ENOX1: variants seen among roughly 807,000 people sequenced by gnomAD.
The protein encoded by ENOX1 is ecto-NOX disulfide-thiol exchanger 1.
ENOX1 carries 42 observed loss-of-function variants against 82.5 expected under a neutral mutation model. That is an observed-to-expected ratio of 0.51 (90% CI 0.40 to 0.66). ENOX1 has a LOEUF of 0.66. ENOX1 is among the 30% of genes least tolerant of loss of function. The probability of loss-of-function intolerance (pLI) is 0.00; values close to 1 mark genes in which losing one functional copy is unlikely to be tolerated. For synonymous variants in ENOX1, 271 were observed against 282.2 expected (o/e 0.96, Z 0.40); for missense variants, 608 against 811.6 (o/e 0.75, Z 3.05).
chr13:43,724,046 T>C (rs1201106227), intron 1 of ENOX1, among the ~76,000 whole-genome samples: 1 of 152,170 alleles, frequency 6.6e-6, no homozygotes, highest in African/African-American at 2.4e-5. Context: ...TCAAACACAG[T>C]AGAAAAACAC....
intron 1 of ENOX1, among the ~76,000 whole-genome samples, chr13:43,781,036 AG>A: frequency 6.6e-6 from 1 of 152,382 alleles, no homozygotes; most frequent in East Asian, 1.9e-4. Context: ...GGGCTATTAA[AG>A]GGCTATTCCA....
chr13:43,668,480 G>A (rs2085094644), intron 1 of ENOX1, among the ~76,000 whole-genome samples: 1 of 152,218 alleles, frequency 6.6e-6, no homozygotes, highest in South Asian at 2.1e-4. Flanking sequence ...CTTACATCTG[G>A]CTAAATCTCT....
At chr13:43,418,714 C>T (rs1330673707) in intron 3 of ENOX1, among the ~76,000 whole-genome samples, 1 of 152,138 alleles carries the variant, frequency 6.6e-6, no homozygotes, top group African/African-American at 2.4e-5. Context: ...ATCTGATACA[C>T]AAAATGCCAA....
intron 2 of ENOX1, among the ~76,000 whole-genome samples, chr13:43,537,572 A>T (rs1362992403): frequency 6.6e-6 from 1 of 152,234 alleles, no homozygotes; most frequent in Non-Finnish European, 1.5e-5. Flanking sequence ...CTGCGATAAT[A>T]GCTACTTTAT....
At chr13:43,698,745 T>A (rs764120062) in intron 1 of ENOX1, among the ~76,000 whole-genome samples, 40 of 152,172 alleles carry the variant, frequency 2.6e-4, no homozygotes, top group Non-Finnish European at 5.0e-4. Flanking sequence ...AAATAGCACA[T>A]GTCAAGTCTC....
intron 2 of ENOX1, chr13:43,546,145 G>A (rs577638107): frequency 5.9e-5 from 9 of 152,384 alleles, no homozygotes; most frequent in South Asian, 4.1e-4. Context: ...TGTTCTAGTA[G>A]GAAGAGACAA....
chr13:43,757,327 T>C (rs1418608462), intron 1 of ENOX1, among the ~76,000 whole-genome samples: 5 of 152,138 alleles, frequency 3.3e-5, no homozygotes, highest in Non-Finnish European at 7.4e-5. Flanking sequence ...GAAAACAGGA[T>C]ACAGGGGGAG....
At chr13:43,649,357 T>G (rs2084045557) in intron 2 of ENOX1, among the ~76,000 whole-genome samples, 1 of 152,200 alleles carries the variant, frequency 6.6e-6, no homozygotes, top group Non-Finnish European at 1.5e-5. Context: ...CTTCACACCC[T>G]GGTTAGTTTG....
intron 5 of ENOX1, among the ~76,000 whole-genome samples, chr13:43,391,564 AT>A (rs1336057131): frequency 1.3e-5 from 2 of 152,132 alleles, no homozygotes; most frequent in African/African-American, 4.8e-5. Context: ...TTCTCACTTC[AT>A]AAACCCATTT....
intron 2 of ENOX1, among the ~76,000 whole-genome samples, chr13:43,643,619 ATGTATGTGTG>A (rs1446383018): frequency 6.7e-6 from 1 of 149,786 alleles, no homozygotes; most frequent in Non-Finnish European, 1.5e-5. Flanking sequence ...ATGTATATGT[ATGTATGTGTG>A]TGTGTATATA....
At chr13:43,520,872 A>G (rs1452601861) in intron 2 of ENOX1, among the ~76,000 whole-genome samples, 1 of 152,188 alleles carries the variant, frequency 6.6e-6, no homozygotes, top group Non-Finnish European at 1.5e-5. Context: ...ATTTAAGATC[A>G]GTGGTGGTCA....
At chr13:43,587,720 A>G (rs1000446522) in intron 2 of ENOX1, among the ~76,000 whole-genome samples, 2 of 152,248 alleles carry the variant, frequency 1.3e-5, no homozygotes, top group Non-Finnish European at 2.9e-5. Context: ...GACTGAAATC[A>G]GAGCTTCTGA....
At chr13:43,264,708 A>T (rs947805019) in intron 14 of ENOX1, among the ~76,000 whole-genome samples, 3 of 152,226 alleles carry the variant, frequency 2.0e-5, no homozygotes, top group African/African-American at 7.2e-5. Context: ...AGAGAGATTT[A>T]AAAAAGACAA....
chr13:43,306,074 G>A (rs2046842188), intron 11 of ENOX1, among the ~76,000 whole-genome samples: 1 of 152,212 alleles, frequency 6.6e-6, no homozygotes, highest in African/African-American at 2.4e-5. Context: ...CTGTGTAGTG[G>A]GAGTCAAATA....
chr13:43,358,198 G>A (rs1031472833), intron 7 of ENOX1, among the ~76,000 whole-genome samples: 1 of 152,106 alleles, frequency 6.6e-6, no homozygotes, highest in Non-Finnish European at 1.5e-5. Context: ...CTTCTGATTG[G>A]GTGTGAACAT....
chr13:43,685,141 C>T (rs1404769134), intron 1 of ENOX1, among the ~76,000 whole-genome samples: 3 of 152,136 alleles, frequency 2.0e-5, no homozygotes, highest in East Asian at 1.9e-4. Context: ...AAGAGTCTGC[C>T]GCAGCTTTCA....
intron 1 of ENOX1, among the ~76,000 whole-genome samples, chr13:43,669,726 A>G (rs1304395817): frequency 1.3e-5 from 2 of 152,152 alleles, no homozygotes; most frequent in Non-Finnish European, 2.9e-5. Context: ...CTTAGAAATG[A>G]TAGGAAAATT....
At chr13:43,442,632 G>T (rs1046891598) in intron 3 of ENOX1, among the ~76,000 whole-genome samples, 1 of 152,132 alleles carries the variant, frequency 6.6e-6, no homozygotes, top group African/African-American at 2.4e-5. Context: ...TAAAACTTCA[G>T]TTCCAAGCAC....
intron 2 of ENOX1, among the ~76,000 whole-genome samples, chr13:43,564,164 A>G (rs1178422824): frequency 6.6e-6 from 1 of 152,144 alleles, no homozygotes; most frequent in Non-Finnish European, 1.5e-5. Context: ...GATCTCTACA[A>G]TGAAAACTAT....
Sources: gnomAD v4.1 joint callset for allele counts (sites outside exome capture counted in the v4.1 genomes callset) on GRCh38, gnomAD v4.1.1 for gene constraint, MANE v1.5 for transcripts, NCBI Gene and HGNC (gene_info 2026-07-23, HGNC 2026-07-21) for gene names.